The following AK5 variants were observed in gnomAD, a reference collection of about 807,000 sequenced individuals.
AK5 encodes adenylate kinase isoenzyme 5.
In AK5, 27 loss-of-function variants were observed where a neutral mutation model predicts 69.5. The observed-to-expected ratio is 0.39, with a 90% CI of 0.29 to 0.54. AK5 has a LOEUF of 0.54. AK5 is among the 20% of genes least tolerant of loss of function. The pLI is 0.71. For missense variants in AK5, 531 were observed against 700.4 expected, an observed-to-expected ratio of 0.76 and a Z score of 2.73; for synonymous variants, 260 against 244.4, an observed-to-expected ratio of 1.06 and a Z score of -0.60.
chr1:77,494,884 C>T (rs1341902541), intron 10 of AK5, among the ~76,000 whole-genome samples: 3 of 151,776 alleles, frequency 2.0e-5, no homozygotes, highest in Non-Finnish European at 2.9e-5. Context: ...CAGGTTCACG[C>T]CATTCTCCTG....
At chr1:77,516,283 T>C (rs61777068) in intron 10 of AK5, among the ~76,000 whole-genome samples, 4,686 of 152,168 alleles carry the variant, frequency 0.031, 66 homozygotes, top group Middle Eastern at 0.078. Context: ...TGGAAGCAGA[T>C]TGTAAGAATG....
intron 8 of AK5, among the ~76,000 whole-genome samples, chr1:77,458,049 A>T (rs61553470): frequency 6.6e-6 from 1 of 150,418 alleles, no homozygotes; most frequent in Non-Finnish European, 1.5e-5. Flanking sequence ...CTGCAGTGAG[A>T]TATGATTGTG....
chr1:77,319,547 G>A (rs1482669135), intron 5 of AK5, among the ~76,000 whole-genome samples: 1 of 152,174 alleles, frequency 6.6e-6, no homozygotes, highest in Non-Finnish European at 1.5e-5. Context: ...CCTCCAGAAT[G>A]CCTCATAAGG....
chr1:77,340,436 A>G lies in AK5; in HGVS notation c.759A>G (p.Arg253=), dbSNP rs1661591450. The change falls in exon 6 of 14, where the codon AGA becomes AGG. Residue 253 remains arginine, a synonymous_variant. Coordinates refer to ENST00000354567, the MANE Select transcript of AK5 (RefSeq NM_174858.3). Reference sequence around the variant, plus strand: ...GTGCTAATCAGAGACTCAAAGAAAGATTACTGAAGCGTGCAGAACAGCAGG... The same window carrying G: ...GTGCTAATCAGAGACTCAAAGAAAGGTTACTGAAGCGTGCAGAACAGCAGG... The part of the protein sequence containing the change: ...LACANQRLKE[R]LLKRAEQQGR... 1 of 1,614,156 alleles carries G rather than the reference A, an allele frequency of 6.2e-7. No individual in the cohort carries two copies. Among genetic ancestry groups the G allele is most frequent in the Non-Finnish European group, 8.5e-7 (1 of 1,179,982 alleles).
At chr1:77,469,412 G>T (rs981969957) in intron 8 of AK5, among the ~76,000 whole-genome samples, 1 of 152,188 alleles carries the variant, frequency 6.6e-6, no homozygotes, top group Non-Finnish European at 1.5e-5. Flanking sequence ...CAAAATTGAG[G>T]TTTCCCAGAG....
intron 6 of AK5, among the ~76,000 whole-genome samples, chr1:77,361,662 C>A (rs956376437): frequency 1.3e-5 from 2 of 152,272 alleles, no homozygotes; most frequent in South Asian, 4.1e-4. Flanking sequence ...CACAGTTCCA[C>A]GTGGCTGGGG....
At chr1:77,325,165 T>TTG (rs1553132825) in intron 5 of AK5, among the ~76,000 whole-genome samples, 6 of 147,112 alleles carry the variant, frequency 4.1e-5, no homozygotes, top group East Asian at 2.0e-4. Context: ...TTTTTTGTTT[T>TTG]TTTTTTTTTT....
chr1:77,480,119 A>AGTGTGT (rs10618389), intron 8 of AK5, among the ~76,000 whole-genome samples: 1 of 149,764 alleles, frequency 6.7e-6, no homozygotes, highest in African/African-American at 2.5e-5. Context: ...ATTCACCCCG[A>AGTGTGT]GTGTGTGTGT....
intron 8 of AK5, among the ~76,000 whole-genome samples, chr1:77,467,136 T>C (rs985352119): frequency 6.6e-6 from 1 of 152,238 alleles, no homozygotes; most frequent in Non-Finnish European, 1.5e-5. Flanking sequence ...ATTGCCTCTT[T>C]TATTCATTCC....
chr1:77,457,770 C>T (rs1344355605), intron 8 of AK5, among the ~76,000 whole-genome samples: 4 of 152,226 alleles, frequency 2.6e-5, no homozygotes, highest in South Asian at 2.1e-4. Flanking sequence ...CATTTGTATT[C>T]GTGTGTGCCT....
intron 10 of AK5, among the ~76,000 whole-genome samples, 158 bp downstream of exon 10, chr1:77,486,510 A>C (rs752723430): frequency 6.6e-6 from 1 of 152,076 alleles, no homozygotes; most frequent in South Asian, 2.1e-4. Context: ...CCTGGCTAAC[A>C]CAGTGAAACC....
chr1:77,357,099 G>A (rs1225558234), intron 6 of AK5, among the ~76,000 whole-genome samples: 1 of 152,062 alleles, frequency 6.6e-6, no homozygotes, highest in Non-Finnish European at 1.5e-5. Context: ...ACATTGGGTA[G>A]GACTGCCAAT....
chr1:77,317,938 A>G (rs1267182777), intron 5 of AK5, among the ~76,000 whole-genome samples: 1 of 152,230 alleles, frequency 6.6e-6, no homozygotes, highest in Non-Finnish European at 1.5e-5. Context: ...ACACATTAGC[A>G]TGCAAACTTT....
intron 7 of AK5, among the ~76,000 whole-genome samples, chr1:77,412,558 C>T (rs1243915225): frequency 2.6e-5 from 4 of 152,170 alleles, no homozygotes; most frequent in African/African-American, 7.2e-5. Context: ...AATGGTGCCT[C>T]CCCTGCAGGA....
chr1:77,327,646 T>G (rs980919400), intron 5 of AK5, among the ~76,000 whole-genome samples: 1 of 152,180 alleles, frequency 6.6e-6, no homozygotes, highest in Admixed American at 6.5e-5. Context: ...ACCCCACAGG[T>G]GTAGAAACAG....
At chr1:77,288,553 G>C (rs1658492922) in intron 2 of AK5, among the ~76,000 whole-genome samples, 1 of 151,964 alleles carries the variant, frequency 6.6e-6, no homozygotes, top group Non-Finnish European at 1.5e-5. Flanking sequence ...GCCATAGTGT[G>C]CTAATTTTCA....
intron 6 of AK5, among the ~76,000 whole-genome samples, chr1:77,389,196 G>C (rs1056303080): frequency 7.2e-5 from 11 of 152,162 alleles, no homozygotes; most frequent in Non-Finnish European, 1.3e-4. Context: ...AGAGACTGTA[G>C]AATTACTTTG....
At chr1:77,398,089 A>G (rs1003380398) in intron 6 of AK5, among the ~76,000 whole-genome samples, 11 of 152,160 alleles carry the variant, frequency 7.2e-5, no homozygotes, top group East Asian at 3.8e-4. Flanking sequence ...TGAACTGACC[A>G]TATTTGGCCA....
chr1:77,494,785 CTT>C (rs879881037), intron 10 of AK5, among the ~76,000 whole-genome samples: 9 of 144,010 alleles, frequency 6.2e-5, no homozygotes, highest in Non-Finnish European at 7.7e-5. Context: ...TATGCAGTAT[CTT>C]TTTTTTTTTT....
Sources: allele counts gnomAD v4.1 joint callset (sites outside exome capture counted in the v4.1 genomes callset), GRCh38; gene constraint gnomAD v4.1.1; transcripts MANE v1.5; gene names NCBI Gene and HGNC (gene_info 2026-07-23, HGNC 2026-07-21).